Variants in DNER observed in about 807,000 individuals in gnomAD.
The protein encoded by DNER is delta and Notch-like epidermal growth factor-related receptor.
A neutral mutation model predicts 78.2 loss-of-function variants in DNER; 33 were observed. That is an observed-to-expected ratio of 0.42 (90% CI 0.32 to 0.56). The LOEUF (loss-of-function observed/expected upper bound fraction) is 0.56, where lower values mean the gene tolerates loss of function less well. DNER is among the 20% of genes least tolerant of loss of function. The probability of loss-of-function intolerance (pLI) is 0.11; values close to 1 mark genes in which losing one functional copy is unlikely to be tolerated. For synonymous variants in DNER, 417 were observed against 384.8 expected (o/e 1.08, Z -0.98); for missense variants, 918 against 975.3 (o/e 0.94, Z 0.78).
chr2:229,679,755 T>C (rs1184150849), intron 1 of DNER, among the ~76,000 whole-genome samples: 3 of 152,186 alleles, frequency 2.0e-5, no homozygotes, highest in Non-Finnish European at 4.4e-5. Flanking sequence ...CTGCATTTGC[T>C]CACTGGGATT....
chr2:229,553,205 G>C (rs530950259), intron 4 of DNER, among the ~76,000 whole-genome samples: 1 of 152,296 alleles, frequency 6.6e-6, no homozygotes, highest in East Asian at 1.9e-4. Context: ...GATCCCTTTA[G>C]TGCCAGGGGA....
rs1433604381 is a variant in DNER, at chr2:229,531,658, G to A, written c.993+15289C>T. ...CGTGAACCAGCAATTCTACTCCTTA[G>A]GTATTCACCCAAAAGAACTGAAAAC... On this transcript the variant is annotated intron_variant, in intron 5 of 12. Coordinates refer to ENST00000341772, the MANE Select transcript of DNER (RefSeq NM_139072.4). Among the ~76,000 whole-genome samples the A allele has an allele frequency of 2.6e-5, 4 of 152,252 alleles. No individual in the cohort carries two copies. The East Asian group carries it at 5.8e-4, about 22-fold the overall frequency.
At chr2:229,662,996 T>C (rs770783518) in intron 1 of DNER, among the ~76,000 whole-genome samples, 7 of 152,200 alleles carry the variant, frequency 4.6e-5, no homozygotes, top group Non-Finnish European at 7.3e-5. Flanking sequence ...CCTCCTATTC[T>C]AAGATTGGGT....
intron 6 of DNER, among the ~76,000 whole-genome samples, chr2:229,487,026 T>C (rs1695290720): frequency 6.6e-6 from 1 of 152,194 alleles, no homozygotes; most frequent in Non-Finnish European, 1.5e-5. Context: ...AATATTAATA[T>C]TATTCATTTC....
chr2:229,361,665 C>T (rs900550376), intron 12 of DNER, among the ~76,000 whole-genome samples: 8 of 152,046 alleles, frequency 5.3e-5, no homozygotes, highest in African/African-American at 1.9e-4. Flanking sequence ...TCTGCCCATC[C>T]CTCAATCCCA....
chr2:229,606,022 G>A (rs1465347), intron 1 of DNER, among the ~76,000 whole-genome samples: 98,863 of 152,100 alleles, frequency 0.65, 32,454 homozygotes, highest in African/African-American at 0.75. Flanking sequence ...GCCCTTCTCC[G>A]GTGGAAAAAA....
At chr2:229,577,753 G>A (rs1697329770) in intron 4 of DNER, among the ~76,000 whole-genome samples, 1 of 152,190 alleles carries the variant, frequency 6.6e-6, no homozygotes, top group Admixed American at 6.5e-5. Context: ...CAGTGTGCTA[G>A]TAAGAATTTA....
intron 1 of DNER, among the ~76,000 whole-genome samples, chr2:229,685,000 T>A (rs1298313605): frequency 6.6e-6 from 1 of 152,194 alleles, no homozygotes; most frequent in Admixed American, 6.5e-5. Flanking sequence ...TAAATGCGAT[T>A]CTCTAAAATG....
intron 6 of DNER, among the ~76,000 whole-genome samples, chr2:229,502,966 CT>C (rs1190426893): frequency 3.3e-5 from 5 of 152,280 alleles, no homozygotes; most frequent in African/African-American, 1.2e-4. Flanking sequence ...TTAAGCAATT[CT>C]TGCCAAGGTA....
intron 1 of DNER, among the ~76,000 whole-genome samples, chr2:229,678,803 A>G (rs1033666745): frequency 6.6e-6 from 1 of 152,234 alleles, no homozygotes; most frequent in Non-Finnish European, 1.5e-5. Context: ...TACAGGGTAT[A>G]AGGAAGTCAT....
chr2:229,676,237 G>A (rs1405451903), intron 1 of DNER, among the ~76,000 whole-genome samples: 1 of 152,210 alleles, frequency 6.6e-6, no homozygotes, highest in East Asian at 1.9e-4. Flanking sequence ...TTTGCAGAAG[G>A]AATACACTGG....
chr2:229,619,689 G>T (rs900531361), intron 1 of DNER, among the ~76,000 whole-genome samples: 5 of 152,092 alleles, frequency 3.3e-5, no homozygotes, highest in African/African-American at 7.2e-5. Context: ...TGACTGCAAA[G>T]AATAATATCA....
At chr2:229,464,822 G>A (rs1694768738) in intron 7 of DNER, among the ~76,000 whole-genome samples, 1 of 152,204 alleles carries the variant, frequency 6.6e-6, no homozygotes, top group Non-Finnish European at 1.5e-5. Flanking sequence ...GCCATGTGAG[G>A]GCCCCTATGA....
chr2:229,664,847 C>G (rs1347116695), intron 1 of DNER, among the ~76,000 whole-genome samples: 1 of 152,120 alleles, frequency 6.6e-6, no homozygotes, highest in Non-Finnish European at 1.5e-5. Context: ...ACATTCAGAA[C>G]ACTGGCCTGA....
chr2:229,548,083 C>T (rs905140104), intron 4 of DNER, among the ~76,000 whole-genome samples: 2 of 152,112 alleles, frequency 1.3e-5, no homozygotes, highest in African/African-American at 4.8e-5. Context: ...CTCATCATTA[C>T]AAAGCCACAT....
At chr2:229,473,437 C>G (rs553132276) in intron 7 of DNER, among the ~76,000 whole-genome samples, 7 of 152,242 alleles carry the variant, frequency 4.6e-5, no homozygotes, top group African/African-American at 1.7e-4. Context: ...GGCTATGTGA[C>G]CTCAGGCAAG....
At chr2:229,644,004 C>A (rs962748615) in intron 1 of DNER, among the ~76,000 whole-genome samples, 1 of 152,148 alleles carries the variant, frequency 6.6e-6, no homozygotes, top group Non-Finnish European at 1.5e-5. Flanking sequence ...AGACACTCAG[C>A]AAATGCCTCA....
intron 1 of DNER, among the ~76,000 whole-genome samples, chr2:229,640,287 A>T (rs1331521465): frequency 3.3e-5 from 5 of 152,238 alleles, no homozygotes; most frequent in Non-Finnish European, 7.3e-5. Context: ...ATGTTTCAGG[A>T]TTACATTACA....
At position 229,416,576 on chromosome 2, in the gene DNER, C is replaced by A. The variant is rs1693656726; in HGVS notation, c.1609+1532G>T. Among the ~76,000 whole-genome samples, 3 of 152,240 alleles carry A rather than the reference C, an allele frequency of 2.0e-5. No homozygotes were observed. The South Asian group carries it at 6.2e-4, about 32-fold the overall frequency. ...AATTTCCTTAGACAGCAGCCCGTAG[C>A]CATGAGATCAGTACACCCCTCTGCC... On this transcript the variant is annotated intron_variant, in intron 9 of 12. Coordinates refer to ENST00000341772, the MANE Select transcript of DNER (RefSeq NM_139072.4).
Sources: allele counts gnomAD v4.1 joint callset (sites outside exome capture counted in the v4.1 genomes callset), GRCh38; gene constraint gnomAD v4.1.1; transcripts MANE v1.5; gene names NCBI Gene and HGNC (gene_info 2026-07-23, HGNC 2026-07-21).